The following ZBTB2 variants were observed in gnomAD, a reference collection of about 807,000 sequenced individuals.
ZBTB2 encodes the protein zinc finger and BTB domain containing 2.
ZBTB2 carries 2 observed loss-of-function variants against 39.5 expected under a neutral mutation model. That is an observed-to-expected ratio of 0.05 (90% CI 0.02 to 0.16). The LOEUF is 0.16. Among genes scored for constraint, ZBTB2 ranks in the 10% least tolerant of loss-of-function variants. ZBTB2 has a pLI of 1.00. For missense variants in ZBTB2, 391 were observed against 653.0 expected, an observed-to-expected ratio of 0.60 and a Z score of 4.37; for synonymous variants, 251 against 256.6, an observed-to-expected ratio of 0.98 and a Z score of 0.21.
chr6:151,367,463 C>G (rs1428452130), intron 2 of ZBTB2, among the ~76,000 whole-genome samples: 2 of 152,170 alleles, frequency 1.3e-5, no homozygotes, highest in Admixed American at 6.5e-5. Flanking sequence ...ATACAGAACT[C>G]CAGGAGTTCC....
intron 2 of ZBTB2, among the ~76,000 whole-genome samples, chr6:151,371,654 G>C (rs1023187273): frequency 2.6e-5 from 4 of 152,190 alleles, no homozygotes; most frequent in African/African-American, 9.6e-5. Context: ...TTGGATGACA[G>C]AATAAGGAGC....
At chr6:151,388,738 T>C (rs1342835839) in intron 1 of ZBTB2, among the ~76,000 whole-genome samples, 1 of 152,242 alleles carries the variant, frequency 6.6e-6, no homozygotes, top group African/African-American at 2.4e-5. Context: ...GAAAAGTTGA[T>C]ATTAAAGTTT....
At position 151,367,075 on chromosome 6, in the gene ZBTB2, A is replaced by G. The variant is rs543097704; in HGVS notation, c.174-183T>C. On this transcript the variant is annotated intron_variant, in intron 2 of 2. Coordinates refer to ENST00000325144, the MANE Select transcript of ZBTB2 (RefSeq NM_020861.3). ...ACGAAGTTCACGTTAAAGAAATGTG[A>G]TATCTTAATCCACAGATTCTTAGAG... Among the ~76,000 whole-genome samples, 17 of 152,250 alleles carry G rather than the reference A, an allele frequency of 1.1e-4. 1 individual carries two copies. In the South Asian group the frequency reaches 3.1e-3, roughly 28 times the overall value.
At chr6:151,387,367 A>T (rs1242953138) in intron 1 of ZBTB2, among the ~76,000 whole-genome samples, 1 of 67,396 alleles carries the variant, frequency 1.5e-5, no homozygotes, top group Non-Finnish European at 2.5e-5. Context: ...CTGAGAAGAC[A>T]TTTTGTCAAC....
rs1420164668 is a variant in ZBTB2 at position 151,364,212 on chromosome 6, G to A, written c.*1309C>T. The A allele has an allele frequency of 6.6e-6, 1 of 152,480 alleles. No homozygotes were observed. Among genetic ancestry groups the A allele is most frequent in the Non-Finnish European group, 1.5e-5 (1 of 68,030 alleles). The allele number at this position is 152,480 out of a possible 1,614,324, so 9.4% of individuals were successfully genotyped here. A position where few individuals can be genotyped will look rare whatever the true frequency, so the allele number is the denominator to read the frequency against. On this transcript the variant is annotated 3_prime_UTR_variant, in exon 3 of 3. Transcript: ENST00000325144. ...ATGAAATAGGATGATGGGATATTCA[G>A]TTTTTAACATATACATATACTATAG...
In ZBTB2 at chr6:151,367,369, C is replaced by G. The variant is rs538465023; in HGVS notation, c.174-477G>C. On this transcript the variant is annotated intron_variant, in intron 2 of 2. Transcript: ENST00000325144. ...TTCCTGACCTCAAGTGATCAGCCCTCCTTGGCCTCCCAAAGTGCTGGGATT... is the reference window on the plus strand; with the variant it reads ...TTCCTGACCTCAAGTGATCAGCCCTGCTTGGCCTCCCAAAGTGCTGGGATT... 1.2e-4 allele frequency among the ~76,000 whole-genome samples: 18 copies of G among 152,278 alleles called. No individual in the cohort carries two copies. In the South Asian group the frequency reaches 1.7e-3, roughly 14 times the overall value.
chr6:151,370,999 A>T (rs562075204), intron 2 of ZBTB2, among the ~76,000 whole-genome samples: 1 of 152,322 alleles, frequency 6.6e-6, no homozygotes, highest in South Asian at 2.1e-4. Context: ...ATTAAAACTC[A>T]TTACGTAGTA....
intron 1 of ZBTB2, among the ~76,000 whole-genome samples, chr6:151,388,439 A>G (rs1779210904): frequency 6.6e-6 from 1 of 152,212 alleles, no homozygotes; most frequent in African/African-American, 2.4e-5. Context: ...TAAGTCTCAA[A>G]TTGGGGAAAG....
rs1170576925 is a variant in ZBTB2 at position 151,366,368 on chromosome 6, G to C, written c.698C>G (p.Ser233Cys). Residue 233 changes from serine to cysteine, a missense_variant, in exon 3 of 3, where the codon TCC (serine) becomes TGC (cysteine). This residue lies in a region of ZBTB2 where 175 missense variants were observed against 198.6 expected (regional missense o/e 0.88). Coordinates refer to ENST00000325144, the MANE Select transcript of ZBTB2 (RefSeq NM_020861.3). This position sits in a 1 kb window ranked among gnomAD's most constrained non-coding sequence, Gnocchi z 7.1. ...TGGCTTGACGTGGGCTATTGTGAGG[G>C]ACGCAGGCTGCTCATCGGAGGAAGA... The part of the protein sequence containing the change: ...EASSSDEQPA[S>C]LTIAHVKPSI... 6.2e-7 allele frequency: 1 copy of C among 1,614,144 alleles called. No homozygotes were observed. Among genetic ancestry groups the C allele is most frequent in the Admixed American group, 1.7e-5 (1 of 60,026 alleles).
chr6:151,365,058 G>C lies in ZBTB2; in HGVS notation c.*463C>G, dbSNP rs1778613282. On this transcript the variant is annotated 3_prime_UTR_variant, in exon 3 of 3. Coordinates refer to ENST00000325144, the MANE Select transcript of ZBTB2 (RefSeq NM_020861.3). The surrounding 1 kb of genome is among the most constrained non-coding windows in gnomAD (Gnocchi z 5.6). Reference sequence around the variant, plus strand: ...GGATGAATACTAAGAACGTTTTCTTGGGTTTAAAGTTTCCCCACACTTTCT... The same window carrying C: ...GGATGAATACTAAGAACGTTTTCTTCGGTTTAAAGTTTCCCCACACTTTCT... 6.4e-6 allele frequency: 1 copy of C among 155,284 alleles called. No homozygotes were observed. Among genetic ancestry groups the C allele is most frequent in the Non-Finnish European group, 1.4e-5 (1 of 69,746 alleles). 9.6% of individuals were successfully genotyped at this position (155,284 alleles called of 1,614,324 possible). A position where few individuals can be genotyped will look rare whatever the true frequency, so the allele number is the denominator to read the frequency against.
chr6:151,384,019 T>TA (rs1779099384), intron 1 of ZBTB2, among the ~76,000 whole-genome samples: 1 of 152,184 alleles, frequency 6.6e-6, no homozygotes, highest in Admixed American at 6.6e-5. Flanking sequence ...CTCAGCCTCT[T>TA]ACCAGCTGGG....
intron 1 of ZBTB2, among the ~76,000 whole-genome samples, chr6:151,387,999 T>C (rs1441228158): frequency 1.3e-5 from 2 of 152,232 alleles, no homozygotes; most frequent in Non-Finnish European, 2.9e-5. Flanking sequence ...CTAGCACAAA[T>C]TATAACCTAC....
chr6:151,389,935 T>C (rs1388681286), intron 1 of ZBTB2, among the ~76,000 whole-genome samples: 3 of 152,076 alleles, frequency 2.0e-5, no homozygotes, highest in Non-Finnish European at 4.4e-5. Context: ...GCGGCTTTGT[T>C]TAAACAAGAA....
chr6:151,387,914 C>T (rs879481079), intron 1 of ZBTB2, among the ~76,000 whole-genome samples: 2 of 152,064 alleles, frequency 1.3e-5, no homozygotes, highest in South Asian at 2.1e-4. Flanking sequence ...ATGGCTCTAT[C>T]GGCATTGTAA....
At chr6:151,374,852 G>A (rs1582917967) in intron 1 of ZBTB2, among the ~76,000 whole-genome samples, 1 of 138,466 alleles carries the variant, frequency 7.2e-6, no homozygotes, top group African/African-American at 2.7e-5. Context: ...TGTAATCCCA[G>A]CACTTTCGGA....
chr6:151,369,632 AAAT>A (rs1029924884), intron 2 of ZBTB2, among the ~76,000 whole-genome samples: 3 of 152,108 alleles, frequency 2.0e-5, no homozygotes, highest in African/African-American at 7.2e-5. Flanking sequence ...CCTTAAAAAA[AAAT>A]TTTTTTTTTT....
At chr6:151,381,723 C>T (rs374921837) in intron 1 of ZBTB2, among the ~76,000 whole-genome samples, 48 of 152,206 alleles carry the variant, frequency 3.2e-4, no homozygotes, top group African/African-American at 1.1e-3. Flanking sequence ...ATTTCACAGA[C>T]GTACTAAAAA....
In ZBTB2 at chr6:151,378,558, G is replaced by A. The variant is rs114698137; in HGVS notation, c.-12-4909C>T. On this transcript the variant is annotated intron_variant, in intron 1 of 2. Coordinates refer to ENST00000325144, the MANE Select transcript of ZBTB2 (RefSeq NM_020861.3). Reference sequence around the variant, plus strand: ...TCACTCTAACCTGACCTCCACCAAGGCATAACTTAGAAGCTTGTCTTCAAG... The same window carrying A: ...TCACTCTAACCTGACCTCCACCAAGACATAACTTAGAAGCTTGTCTTCAAG... Among the ~76,000 whole-genome samples, 522 of 152,258 alleles carry A rather than the reference G, an allele frequency of 3.4e-3. 1 individual carries two copies. Among genetic ancestry groups the A allele is most frequent in the African/African-American group, 0.012 (491 of 41,544 alleles).
intron 1 of ZBTB2, among the ~76,000 whole-genome samples, chr6:151,375,985 G>A (rs2114865633): frequency 6.6e-6 from 1 of 152,320 alleles, no homozygotes; most frequent in East Asian, 1.9e-4. Flanking sequence ...GGACAGAGAA[G>A]TGAATTAATA....
Sources: allele counts gnomAD v4.1 joint callset (sites outside exome capture counted in the v4.1 genomes callset), GRCh38; gene constraint gnomAD v4.1.1; regional missense constraint gnomAD v4.1.1; non-coding constraint Gnocchi (gnomAD v3.1); transcripts MANE v1.5; gene names NCBI Gene and HGNC (gene_info 2026-07-23, HGNC 2026-07-21).